Variants in TTK observed in about 807,000 individuals in gnomAD.
TTK encodes dual specificity protein kinase TTK.
Under a neutral mutation model 117.3 loss-of-function variants are expected in TTK, and 59 were observed. The observed-to-expected ratio is 0.50, with a 90% CI of 0.41 to 0.62. TTK has a LOEUF of 0.62. TTK is among the 20% of genes least tolerant of loss of function. The probability of loss-of-function intolerance (pLI) is 0.00; values close to 1 mark genes in which losing one functional copy is unlikely to be tolerated. For synonymous variants in TTK, 302 were observed against 325.0 expected (o/e 0.93, Z 0.76); for missense variants, 921 against 989.4 (o/e 0.93, Z 0.93).
At chr6:80,040,894 A>C (rs1448278947) in intron 21 of TTK, among the ~76,000 whole-genome samples, 191 bp downstream of exon 21, 1 of 151,882 alleles carries the variant, frequency 6.6e-6, no homozygotes, top group Non-Finnish European at 1.5e-5. Context: ...CTTCTTCTGC[A>C]TACAGTACAG....
chr6:80,025,259 G>A (rs1477935375), intron 11 of TTK, among the ~76,000 whole-genome samples: 1 of 152,062 alleles, frequency 6.6e-6, no homozygotes, highest in Non-Finnish European at 1.5e-5. Flanking sequence ...CTTAAAATAT[G>A]TGCGTGCTTG....
At chr6:80,034,488 T>C (rs966768232) in intron 14 of TTK, among the ~76,000 whole-genome samples, 4 of 152,162 alleles carry the variant, frequency 2.6e-5, no homozygotes, top group African/African-American at 9.7e-5. Context: ...CCTTTAGTCA[T>C]CCTTAACTTT....
intron 17 of TTK, 142 bp downstream of exon 17, chr6:80,036,741 A>G: frequency 1.1e-6 from 1 of 924,292 alleles, no homozygotes; most frequent in South Asian, 2.5e-5. Flanking sequence ...TAGATTTAAA[A>G]ATATAAACCA....
At chr6:80,011,058 T>G in intron 5 of TTK, 101 bp downstream of exon 5, 4 of 1,324,344 alleles carry the variant, frequency 3.0e-6, no homozygotes, top group Non-Finnish European at 4.0e-6. Flanking sequence ...GTAGAATGGT[T>G]AAAATCTAAG....
Position 80,036,475 on chromosome 6 carries a change from G to C in TTK, c.1925G>C (p.Gly642Ala), listed in dbSNP as rs533668607. Residue 642 changes from glycine (G) to alanine (A), a missense_variant and splice_region_variant, in exon 17 of 22, where the codon GGC (glycine) becomes GCC (alanine). Transcript: ENST00000369798. Reference sequence around the variant, plus strand: ...ATTACAGTGGATTTTTATTTTAAAGGCATTGTTCACAGTGATCTTAAACCA... The same window carrying C: ...ATTACAGTGGATTTTTATTTTAAAGCCATTGTTCACAGTGATCTTAAACCA... ...LEAVHTIHQH[G>A]IVHSDLKPAN... 2 of 1,596,332 alleles carry C rather than the reference G, an allele frequency of 1.3e-6. No homozygotes were observed. Among genetic ancestry groups the C allele is most frequent in the Non-Finnish European group, 1.7e-6 (2 of 1,172,906 alleles).
chr6:80,026,373 T>C lies in TTK; in HGVS notation c.1258-5T>C. The C allele has an allele frequency of 6.2e-7, 1 of 1,607,248 alleles. No homozygotes were observed. Among genetic ancestry groups the C allele is most frequent in the Non-Finnish European group, 8.5e-7 (1 of 1,177,946 alleles). On this transcript the variant is annotated splice_region_variant and splice_polypyrimidine_tract_variant and intron_variant, in intron 11 of 21. Coordinates refer to ENST00000369798, the MANE Select transcript of TTK (RefSeq NM_003318.5). ...TAAATCATGGTGTTCTTTATTTTGT[T>C]TTAGCAGAAACATACCACTTTTGAG...
chr6:80,011,855 T>A (rs763809245), intron 7 of TTK, 31 bp from the exon 8 acceptor site: 2 of 1,612,104 alleles, frequency 1.2e-6, no homozygotes, highest in Non-Finnish European at 1.7e-6. Context: ...TATTTCCTAG[T>A]TGGTTATTTA....
intron 11 of TTK, among the ~76,000 whole-genome samples, chr6:80,022,880 CCTTTACCGAAAA>C: frequency 1.3e-5 from 2 of 152,280 alleles, no homozygotes; most frequent in Middle Eastern, 6.8e-3. Context: ...ACTATCTGGT[CCTTTACCGAAAA>C]CTGTATGCTG....
At chr6:80,015,942 C>A (rs978086243) in intron 10 of TTK, among the ~76,000 whole-genome samples, 63 of 152,284 alleles carry the variant, frequency 4.1e-4, no homozygotes, top group African/African-American at 1.4e-3. Flanking sequence ...CTAAATACCT[C>A]TCTCCTTCCA....
At chr6:80,035,215 A>C (rs774859951) in intron 15 of TTK, 51 bp from the exon 16 acceptor site, 1 of 1,542,570 alleles carries the variant, frequency 6.5e-7, no homozygotes, top group Admixed American at 2.2e-5. Context: ...AGTAAACTTT[A>C]ATATAACCTA....
chr6:80,005,699 C>A, intron 1 of TTK, 143 bp from the exon 2 acceptor site: 1 of 823,564 alleles, frequency 1.2e-6, no homozygotes. Context: ...CACTTACCTC[C>A]ATTAATACTA....
At chr6:80,039,901 T>C (rs1768002161) in intron 19 of TTK, 29 bp downstream of exon 19, 2 of 1,430,100 alleles carry the variant, frequency 1.4e-6, no homozygotes, top group African/African-American at 1.5e-5. Context: ...AACTAATTAT[T>C]TACTTAAAAG....
At chr6:80,011,061 A>G (rs1414275245) in intron 5 of TTK, 104 bp downstream of exon 5, 3 of 1,311,398 alleles carry the variant, frequency 2.3e-6, no homozygotes, top group African/African-American at 1.5e-5. Context: ...GAATGGTTAA[A>G]ATCTAAGATT....
chr6:80,011,021 A>AAT, intron 5 of TTK, 64 bp downstream of exon 5: 2 of 1,475,402 alleles, frequency 1.4e-6, no homozygotes, highest in Non-Finnish European at 1.8e-6. Flanking sequence ...GATTCGGGAT[A>AAT]ATAATTTATA....
intron 14 of TTK, 82 bp from the exon 15 acceptor site, chr6:80,034,903 C>T: frequency 1.7e-6 from 2 of 1,209,038 alleles, no homozygotes; most frequent in Non-Finnish European, 2.2e-6. Flanking sequence ...TTTTCTCAAC[C>T]TAAAATCCTA....
In TTK at chr6:80,022,338, C is replaced by G. The variant is rs182726489; in HGVS notation, c.1123C>G (p.Gln375Glu). The G allele has an allele frequency of 6.2e-7, 1 of 1,611,016 alleles. No individual in the cohort carries two copies. The highest frequency in any genetic ancestry group is 1.7e-5 in the Admixed American group (1 of 59,320). ...TACAATTTCAGAAACTAAAGAGTAT[C>G]AAGAACCAGAGGTTCCAGAGAGTAA... is the stretch of plus-strand genomic sequence containing the variant. ...LAKLEETKEY[Q>E]EPEVPESNQK... Residue 375 changes from glutamine (Q) to glutamate (E), a missense_variant, in exon 11 of 22, where the codon CAA becomes GAA. Coordinates refer to ENST00000369798, the MANE Select transcript of TTK (RefSeq NM_003318.5).
In TTK at chr6:80,027,876, A is replaced by C. The variant is rs1767646208; in HGVS notation, c.1395-9A>C. 5 of 1,535,286 alleles carry C rather than the reference A, an allele frequency of 3.3e-6. No homozygotes were observed. The highest frequency in any genetic ancestry group is 1.9e-5 in the Admixed American group (1 of 52,542). ...ATGTTTTAAATAAAAATATATATAT[A>C]TTTCCTAGTTTTAGAACTCCAGTTG... is the stretch of plus-strand genomic sequence containing the variant. On this transcript the variant is annotated splice_polypyrimidine_tract_variant and intron_variant, in intron 12 of 21. Transcript: ENST00000369798.
chr6:80,012,018 A>G, intron 8 of TTK, 38 bp downstream of exon 8: 1 of 1,538,456 alleles, frequency 6.5e-7, no homozygotes, highest in Non-Finnish European at 8.8e-7. Context: ...TGTTGTCCGT[A>G]TGGGAAGATT....
intron 16 of TTK, among the ~76,000 whole-genome samples, chr6:80,035,811 T>C (rs921762441): frequency 1.3e-5 from 2 of 152,112 alleles, no homozygotes; most frequent in African/African-American, 4.8e-5. Context: ...AGTTGGTTTT[T>C]TTGTTTGTTT....
Sources: allele counts gnomAD v4.1 joint callset (sites outside exome capture counted in the v4.1 genomes callset), GRCh38; gene constraint gnomAD v4.1.1; transcripts MANE v1.5; gene names NCBI Gene and HGNC (gene_info 2026-07-23, HGNC 2026-07-21).